Variants in CAB39 observed in about 807,000 individuals in gnomAD.
CAB39 encodes the protein calcium-binding protein 39.
CAB39 carries 8 observed loss-of-function variants against 40.0 expected under a neutral mutation model. The ratio of observed to expected loss-of-function variants is 0.20; its 90% CI spans 0.12 to 0.36. The LOEUF (loss-of-function observed/expected upper bound fraction) is 0.36. Ranked by LOEUF, CAB39 falls within the 10% of genes least tolerant of loss-of-function variation. The probability of loss-of-function intolerance (pLI) is 1.00; values close to 1 mark genes in which losing one functional copy is unlikely to be tolerated. For synonymous variants in CAB39, 156 were observed against 141.6 expected (o/e 1.10, Z -0.72); for missense variants, 270 against 401.1 (o/e 0.67, Z 2.79).
intron 4 of CAB39, among the ~76,000 whole-genome samples, 155 bp downstream of exon 4, chr2:230,793,486 A>G (rs775912397): frequency 2.6e-5 from 4 of 152,238 alleles, no homozygotes; most frequent in Admixed American, 6.5e-5. Context: ...TTGAAATTCA[A>G]CTTGTGAGCT....
intron 4 of CAB39, among the ~76,000 whole-genome samples, chr2:230,794,938 T>C (rs765881347): frequency 4.3e-4 from 66 of 152,178 alleles, no homozygotes; most frequent in Admixed American, 2.3e-3. Flanking sequence ...ATCTACAGAT[T>C]TCCTCAATTT....
At chr2:230,738,011 G>A (rs983629651) in intron 1 of CAB39, among the ~76,000 whole-genome samples, 24 of 152,130 alleles carry the variant, frequency 1.6e-4, no homozygotes, top group South Asian at 4.1e-4. Flanking sequence ...AGAGCTTGAC[G>A]AAATTACAAA....
At chr2:230,764,204 A>G (rs910752050) in intron 2 of CAB39, among the ~76,000 whole-genome samples, 1 of 152,194 alleles carries the variant, frequency 6.6e-6, no homozygotes, top group Non-Finnish European at 1.5e-5. Flanking sequence ...CAAAATAGGT[A>G]TACATTCAGT....
intron 3 of CAB39, 40 bp from the exon 4 acceptor site, chr2:230,793,173 T>C (rs1695920367): frequency 8.6e-7 from 1 of 1,157,206 alleles, no homozygotes; most frequent in Admixed American, 1.8e-5. Flanking sequence ...CATTTTGATG[T>C]TTGGTCAGGA....
At chr2:230,783,442 A>AGTTTAGTTTT (rs144986777) in intron 2 of CAB39, among the ~76,000 whole-genome samples, 2 of 148,868 alleles carry the variant, frequency 1.3e-5, no homozygotes, top group Non-Finnish European at 3.0e-5. Flanking sequence ...GTTCTTGTCT[A>AGTTTAGTTTT]GTTTTGTTTT....
At chr2:230,724,231 A>C (rs1193227363) in intron 1 of CAB39, among the ~76,000 whole-genome samples, 2 of 147,332 alleles carry the variant, frequency 1.4e-5, no homozygotes, top group African/African-American at 5.3e-5. Flanking sequence ...TGGGTGACAG[A>C]CCAAGACTGT....
intron 7 of CAB39, among the ~76,000 whole-genome samples, chr2:230,815,493 T>G (rs546443666): frequency 2.7e-4 from 41 of 152,340 alleles, no homozygotes; most frequent in African/African-American, 9.9e-4. Flanking sequence ...GTTATACAGA[T>G]GCACACAGTT....
intron 2 of CAB39, among the ~76,000 whole-genome samples, chr2:230,780,297 C>T (rs1695664791): frequency 6.6e-6 from 1 of 152,142 alleles, no homozygotes; most frequent in African/African-American, 2.4e-5. Context: ...CCCAGCCTCC[C>T]TAAATGTTAA....
chr2:230,782,566 C>G (rs1695705834), intron 2 of CAB39, among the ~76,000 whole-genome samples: 1 of 152,072 alleles, frequency 6.6e-6, no homozygotes, highest in Non-Finnish European at 1.5e-5. Context: ...CTCCACCCCA[C>G]AGGTAGACGA....
At chr2:230,786,854 A>C (rs548914263) in intron 2 of CAB39, among the ~76,000 whole-genome samples, 1 of 152,320 alleles carries the variant, frequency 6.6e-6, no homozygotes, top group South Asian at 2.1e-4. Context: ...GAGAACACCT[A>C]CTATTGCTAA....
chr2:230,759,627 G>C (rs1482462052), intron 1 of CAB39, among the ~76,000 whole-genome samples: 2 of 152,214 alleles, frequency 1.3e-5, no homozygotes, highest in Non-Finnish European at 2.9e-5. Context: ...ATCAGGCCTG[G>C]CAGTAGCAGT....
At chr2:230,735,393 C>G (rs2124881476) in intron 1 of CAB39, among the ~76,000 whole-genome samples, 1 of 152,248 alleles carries the variant, frequency 6.6e-6, no homozygotes, top group Non-Finnish European at 1.5e-5. Context: ...TCTTGAACTC[C>G]TGGCCTCAAG....
rs1270785207 is a variant in CAB39, at chr2:230,820,496, ATGTT to A, written c.*1794_*1797del. On this transcript the variant is annotated 3_prime_UTR_variant, in exon 9 of 9. Transcript: ENST00000258418. ...TCTCCTTGAAAAAAAAATCTCTTGGATGTTTAGGAAGGAAGACTTGGCCGTGATG... is the reference window on the plus strand; with the variant it reads ...TCTCCTTGAAAAAAAAATCTCTTGGATAGGAAGGAAGACTTGGCCGTGATG... 2.0e-5 allele frequency: 3 copies of A among 152,204 alleles called. No homozygotes were observed. Among genetic ancestry groups the A allele is most frequent in the Non-Finnish European group, 4.4e-5 (3 of 68,024 alleles). 9.4% of individuals were successfully genotyped at this position (152,204 alleles called of 1,614,324 possible). A position where few individuals can be genotyped will look rare whatever the true frequency, so the allele number is the denominator to read the frequency against.
chr2:230,781,856 G>GTGTTT (rs1040049046), intron 2 of CAB39, among the ~76,000 whole-genome samples: 1 of 152,180 alleles, frequency 6.6e-6, no homozygotes, highest in African/African-American at 2.4e-5. Flanking sequence ...CCAAGGTTTT[G>GTGTTT]TGTTTTGTTT....
chr2:230,775,967 C>T (rs1344414968), intron 2 of CAB39, among the ~76,000 whole-genome samples: 2 of 152,176 alleles, frequency 1.3e-5, no homozygotes, highest in East Asian at 1.9e-4. Flanking sequence ...CTACGTCTGT[C>T]AGAGACAGAT....
intron 2 of CAB39, among the ~76,000 whole-genome samples, chr2:230,782,813 C>CTTTCTTTCT (rs1286339069): frequency 0.012 from 963 of 81,732 alleles, 13 homozygotes; most frequent in Middle Eastern, 0.021. Flanking sequence ...TTCTTTCTTT[C>CTTTCTTTCT]TTTTTTTTTT....
chr2:230,811,834 G>C (rs1696311329), intron 6 of CAB39, among the ~76,000 whole-genome samples: 1 of 152,218 alleles, frequency 6.6e-6, no homozygotes, highest in African/African-American at 2.4e-5. Flanking sequence ...CAAAGACACA[G>C]ACTAGCTGAT....
intron 1 of CAB39, among the ~76,000 whole-genome samples, chr2:230,720,986 G>A (rs1694440492): frequency 2.0e-5 from 3 of 152,168 alleles, no homozygotes; most frequent in South Asian, 4.1e-4. Context: ...TAAGTTTCGT[G>A]TCTCTAGATT....
At chr2:230,762,364 A>G (rs1023683145) in intron 2 of CAB39, among the ~76,000 whole-genome samples, 5 of 152,230 alleles carry the variant, frequency 3.3e-5, no homozygotes, top group Non-Finnish European at 7.3e-5. Flanking sequence ...AACATCTACT[A>G]ACTCAGAGGG....
Sources: gnomAD v4.1 joint callset for allele counts (sites outside exome capture counted in the v4.1 genomes callset) on GRCh38, gnomAD v4.1.1 for gene constraint, MANE v1.5 for transcripts, NCBI Gene and HGNC (gene_info 2026-07-23, HGNC 2026-07-21) for gene names.